Variants in UPF2 observed in about 807,000 individuals in gnomAD.
The protein encoded by UPF2 is regulator of nonsense transcripts 2.
In UPF2, 17 loss-of-function variants were observed where a neutral mutation model predicts 141.4. The ratio of observed to expected loss-of-function variants is 0.12; its 90% CI spans 0.08 to 0.18. The LOEUF (loss-of-function observed/expected upper bound fraction) is 0.18, where lower values mean the gene tolerates loss of function less well. UPF2 is among the 10% of genes least tolerant of loss of function. The pLI is 1.00. For synonymous variants in UPF2, 540 were observed against 498.0 expected, an observed-to-expected ratio of 1.08 and a Z score of -1.12; for missense variants, 1,152 against 1,515.9, an observed-to-expected ratio of 0.76 and a Z score of 3.99.
At chr10:11,934,241 G>A (rs1208637791) in intron 19 of UPF2, among the ~76,000 whole-genome samples, 1 of 152,234 alleles carries the variant, frequency 6.6e-6, no homozygotes, top group African/African-American at 2.4e-5. Context: ...TAACAGTGGT[G>A]AATTAGCATT....
At position 11,936,417 on chromosome 10, in the gene UPF2, A is replaced by G. The variant is rs1178942427; in HGVS notation, c.3546+128T>C. 4 of 966,640 alleles carry G rather than the reference A, an allele frequency of 4.1e-6. No homozygotes were observed. The highest frequency in any genetic ancestry group is 5.7e-6 in the Non-Finnish European group (4 of 705,164). The allele number at this position is 966,640 out of a possible 1,614,324, so 59.9% of individuals were successfully genotyped here. A position where few individuals can be genotyped will look rare whatever the true frequency, so the allele number is the denominator to read the frequency against. On this transcript the variant is annotated intron_variant, in intron 19 of 21. Transcript: ENST00000357604. This position sits in a 1 kb window ranked among gnomAD's most constrained non-coding sequence, Gnocchi z 6.6. ...AAAAACAAAAAAAACTATATAAGGG[A>G]AGAAATTATTCTACCACTGAATGGT...
intron 9 of UPF2, among the ~76,000 whole-genome samples, chr10:11,977,979 T>C (rs1050837141): frequency 6.6e-6 from 1 of 152,206 alleles, no homozygotes; most frequent in Non-Finnish European, 1.5e-5. Flanking sequence ...AATCTCATAA[T>C]AACAAGAAGT....
At chr10:11,952,469 C>CTTTTTTTTTTT (rs869201076) in intron 14 of UPF2, among the ~76,000 whole-genome samples, 1 of 97,740 alleles carries the variant, frequency 1.0e-5, no homozygotes, top group East Asian at 3.5e-4. Flanking sequence ...TACTAAATAT[C>CTTTTTTTTTTT]TTTTTTTTTT....
At chr10:11,926,015 T>C (rs1178613195) in intron 21 of UPF2, among the ~76,000 whole-genome samples, 1 of 152,108 alleles carries the variant, frequency 6.6e-6, no homozygotes, top group Non-Finnish European at 1.5e-5. Context: ...GGGTTGAAGG[T>C]TGAGACGGAG....
At chr10:12,030,239 C>T (rs569994093) in intron 2 of UPF2, among the ~76,000 whole-genome samples, 31 of 152,064 alleles carry the variant, frequency 2.0e-4, no homozygotes, top group African/African-American at 6.3e-4. Context: ...CAATTATACA[C>T]AAAGAATTAT....
In UPF2 at chr10:11,935,155, G is replaced by C. The variant is rs1288286937; in HGVS notation, c.3546+1390C>G. Among the ~76,000 whole-genome samples the C allele has an allele frequency of 6.6e-6, 1 of 151,984 alleles. No individual in the cohort carries two copies. The highest frequency in any genetic ancestry group is 1.5e-5 in the Non-Finnish European group (1 of 67,998). Reference sequence around the variant, plus strand: ...TCTTCCCTGATCATCCTACCTAAGAGGCAGCCTCCCTCTCCTGGCATCTCA... The same window carrying C: ...TCTTCCCTGATCATCCTACCTAAGACGCAGCCTCCCTCTCCTGGCATCTCA... On this transcript the variant is annotated intron_variant, in intron 19 of 21. Transcript: ENST00000357604. The surrounding 1 kb of genome is among the most constrained non-coding windows in gnomAD (Gnocchi z 4.9).
Position 11,980,427 on chromosome 10 carries a change from C to A in UPF2, c.1845-1262G>T, listed in dbSNP as rs567527492. On this transcript the variant is annotated intron_variant, in intron 8 of 21. Coordinates refer to ENST00000357604, the MANE Select transcript of UPF2 (RefSeq NM_015542.4). This position sits in a 1 kb window ranked among gnomAD's most constrained non-coding sequence, Gnocchi z 4.2. Reference sequence around the variant, plus strand: ...AGCTTGAAGCCAATTAGAACAGACACAAATAATCATACGAGTCTTAATTAT... The same window carrying A: ...AGCTTGAAGCCAATTAGAACAGACAAAAATAATCATACGAGTCTTAATTAT... 2.5e-4 allele frequency among the ~76,000 whole-genome samples: 38 copies of A among 152,230 alleles called. No homozygotes were observed. The highest frequency in any genetic ancestry group is 2.6e-4 in the Admixed American group (4 of 15,286).
chr10:12,025,084 T>C lies in UPF2; in HGVS notation c.1145+3661A>G, dbSNP rs1031195190. On this transcript the variant is annotated intron_variant, in intron 3 of 21. Transcript: ENST00000357604. The stretch of plus-strand genomic sequence containing the variant: ...GGATTGTGCACTAATCCATTCCTCA[T>C]GTCTTTTGCTCAGTCACGTATCTGC... 2.0e-5 allele frequency among the ~76,000 whole-genome samples: 3 copies of C among 152,164 alleles called. No individual in the cohort carries two copies. The East Asian group carries it at 5.8e-4, about 29-fold the overall frequency.
At chr10:11,971,705 T>C (rs1184676939) in intron 9 of UPF2, among the ~76,000 whole-genome samples, 1 of 152,226 alleles carries the variant, frequency 6.6e-6, no homozygotes, top group Non-Finnish European at 1.5e-5. Flanking sequence ...AAAATGTGGC[T>C]TGCAACTCTG....
At chr10:12,012,546 G>A (rs549869011) in intron 4 of UPF2, among the ~76,000 whole-genome samples, 6 of 151,478 alleles carry the variant, frequency 4.0e-5, no homozygotes, top group South Asian at 2.1e-4. Flanking sequence ...TTGGGAGGCC[G>A]AGGTGTACCT....
At chr10:11,947,786 CAAAA>C (rs58897556) in intron 16 of UPF2, among the ~76,000 whole-genome samples, 15 of 65,600 alleles carry the variant, frequency 2.3e-4, no homozygotes, top group African/African-American at 8.2e-4. Flanking sequence ...AACCTTGTCT[CAAAA>C]AAAAAAAAAA....
intron 8 of UPF2, among the ~76,000 whole-genome samples, chr10:11,994,658 T>C (rs1182290024): frequency 6.6e-6 from 1 of 152,160 alleles, no homozygotes; most frequent in Non-Finnish European, 1.5e-5. Flanking sequence ...ATACTTGGTG[T>C]TGGAGATGCA....
Position 11,948,417 on chromosome 10 carries a change from T to C in UPF2, c.3126A>G (p.Thr1042=), listed in dbSNP as rs762019182. The part of the protein sequence containing the change: ...DEEEEEGGAE[T]EEQSGNESEV... ...CACTTTCATTTCCAGATTGTTCTTC[T>C]GTTTCAGCCCCACCTTCTTCTTCTT... Residue 1042 remains threonine (T), a synonymous_variant, in exon 16 of 22, where the codon ACA becomes ACG. Transcript: ENST00000357604. The C allele has an allele frequency of 1.8e-5, 29 of 1,611,334 alleles. No homozygotes were observed. The South Asian group carries it at 2.3e-4, about 13-fold the overall frequency.
chr10:12,037,447 G>A (rs1246889180), intron 1 of UPF2, among the ~76,000 whole-genome samples: 1 of 146,104 alleles, frequency 6.8e-6, no homozygotes, highest in Non-Finnish European at 1.5e-5. Flanking sequence ...CTAGGCTGGA[G>A]TGCAGTGGTG....
intron 4 of UPF2, among the ~76,000 whole-genome samples, chr10:12,006,188 CT>C (rs1270364843): frequency 6.6e-6 from 1 of 152,126 alleles, no homozygotes; most frequent in Non-Finnish European, 1.5e-5. Context: ...CCTTTATTTT[CT>C]TTTATGCCAT....
At chr10:11,962,760 T>A (rs1564346172) in intron 11 of UPF2, among the ~76,000 whole-genome samples, 1 of 152,190 alleles carries the variant, frequency 6.6e-6, no homozygotes, top group Non-Finnish European at 1.5e-5. Flanking sequence ...CACTCTGGGC[T>A]CCTTATAAGC....
At chr10:11,993,778 A>T (rs551721188) in intron 8 of UPF2, among the ~76,000 whole-genome samples, 22 of 152,232 alleles carry the variant, frequency 1.4e-4, no homozygotes, top group African/African-American at 5.3e-4. Context: ...GTTCAAGACT[A>T]GCCTGGTCAA....
At chr10:11,925,479 C>G (rs749840511) in intron 21 of UPF2, among the ~76,000 whole-genome samples, 1 of 152,214 alleles carries the variant, frequency 6.6e-6, no homozygotes, top group Non-Finnish European at 1.5e-5. Context: ...GTCCATTCAC[C>G]AAATATTTAC....
In UPF2 at chr10:12,019,576, CA is replaced by C. The variant is rs1834281726; in HGVS notation, c.1146-5393del. Among the ~76,000 whole-genome samples the C allele has an allele frequency of 6.6e-6, 1 of 152,084 alleles. No homozygotes were observed. The highest frequency in any genetic ancestry group is 6.6e-5 in the Admixed American group (1 of 15,254). On this transcript the variant is annotated intron_variant, in intron 3 of 21. Coordinates refer to ENST00000357604, the MANE Select transcript of UPF2 (RefSeq NM_015542.4). This position sits in a 1 kb window ranked among gnomAD's most constrained non-coding sequence, Gnocchi z 4.5. Reference sequence around the variant, plus strand: ...ACTTGTCCCCTTTTACAGATATAAACAGTAAGTAATGAGAACAAAATCTATG... The same window carrying C: ...ACTTGTCCCCTTTTACAGATATAAACGTAAGTAATGAGAACAAAATCTATG...
Sources: gnomAD v4.1 joint callset for allele counts (sites outside exome capture counted in the v4.1 genomes callset) on GRCh38, gnomAD v4.1.1 for gene constraint, Gnocchi (gnomAD v3.1) non-coding constraint, MANE v1.5 for transcripts, NCBI Gene and HGNC (gene_info 2026-07-23, HGNC 2026-07-21) for gene names.